Variants in RERE observed in about 807,000 individuals in gnomAD.
RERE encodes arginine-glutamic acid dipeptide repeats, also known as arginine-glutamic acid dipeptide repeats protein.
A neutral mutation model predicts 146.1 loss-of-function variants in RERE; 40 were observed. The ratio of observed to expected loss-of-function variants is 0.27; its 90% CI spans 0.21 to 0.36. RERE has a LOEUF of 0.36. Among genes scored for constraint, RERE ranks in the 10% least tolerant of loss-of-function variants. The pLI is 1.00. For synonymous variants in RERE, 1,003 were observed against 866.0 expected (o/e 1.16, Z -2.78); for missense variants, 1,933 against 2,138.7 (o/e 0.90, Z 1.90).
At chr1:8,706,107 C>T (rs1404855403) in intron 1 of RERE, among the ~76,000 whole-genome samples, 15 of 110,452 alleles carry the variant, frequency 1.4e-4, no homozygotes, top group East Asian at 5.2e-4. Context: ...AGCAAGACTC[C>T]GTCTCCAAAA....
intron 11 of RERE, among the ~76,000 whole-genome samples, chr1:8,451,382 A>C (rs1644388702): frequency 6.6e-6 from 1 of 152,160 alleles, no homozygotes; most frequent in Non-Finnish European, 1.5e-5. Context: ...CAGTGAGCTG[A>C]GATTGTGCCA....
intron 12 of RERE, among the ~76,000 whole-genome samples, chr1:8,418,147 C>A (rs922198884): frequency 2.0e-5 from 3 of 152,152 alleles, no homozygotes; most frequent in East Asian, 1.9e-4. Flanking sequence ...TTTATAGATA[C>A]CCTACCCATT....
rs533595513 is a variant in RERE at position 8,371,222 on chromosome 1, T to C, written c.1285-5248A>G. On this transcript the variant is annotated intron_variant, in intron 12 of 22. Coordinates refer to ENST00000400908, the MANE Select transcript of RERE (RefSeq NM_001042681.2). ...AGCAGATTCTCTCTCCTTTCCTTTT[T>C]CTTTTGGCGGTGGGGGGGCTAAATT... Among the ~76,000 whole-genome samples the C allele has an allele frequency of 7.8e-4, 119 of 152,294 alleles. 1 individual carries two copies. The highest frequency in any genetic ancestry group is 2.7e-3 in the African/African-American group (113 of 41,560).
At position 8,708,905 on chromosome 1, in the gene RERE, G is replaced by GTTTTTTT. The variant is rs35403792; in HGVS notation, c.-144-52471_-144-52465dup. ...GTCACTAGACAACAAAAACTCTGGA[G>GTTTTTTT]TTTTTTTTTTTTTTTTTTTTTTTTT... On this transcript the variant is annotated intron_variant, in intron 1 of 22. Transcript: ENST00000400908. Among the ~76,000 whole-genome samples the GTTTTTTT allele has an allele frequency of 5.4e-4, 39 of 72,326 alleles. 3 individuals carry two copies. Among genetic ancestry groups the GTTTTTTT allele is most frequent in the African/African-American group, 1.7e-3 (28 of 16,598 alleles). 47.4% of individuals were successfully genotyped at this position (72,326 alleles called of 152,430 possible). A position where few individuals can be genotyped will look rare whatever the true frequency, so the allele number is the denominator to read the frequency against.
chr1:8,815,920 G>A (rs1641903708), intron 1 of RERE, among the ~76,000 whole-genome samples: 1 of 151,978 alleles, frequency 6.6e-6, no homozygotes, highest in African/African-American at 2.4e-5. Context: ...ACAACAGGGA[G>A]AGCTGGAAGC....
chr1:8,717,876 CAT>C (rs1290196563), intron 1 of RERE, among the ~76,000 whole-genome samples: 1 of 152,174 alleles, frequency 6.6e-6, no homozygotes, highest in Non-Finnish European at 1.5e-5. Flanking sequence ...GGAATGCTGA[CAT>C]GTGCACTCCA....
chr1:8,578,351 G>T (rs1410824902), intron 4 of RERE, among the ~76,000 whole-genome samples: 1 of 152,032 alleles, frequency 6.6e-6, no homozygotes, highest in African/African-American at 2.4e-5. Flanking sequence ...GCACACTCTG[G>T]TATTATAAAT....
chr1:8,770,718 T>C (rs992872989), intron 1 of RERE, among the ~76,000 whole-genome samples: 1 of 152,244 alleles, frequency 6.6e-6, no homozygotes, highest in African/African-American at 2.4e-5. Context: ...AGAGGGTAAC[T>C]TGGCAATTTC....
At chr1:8,748,583 G>T (rs1640470479) in intron 1 of RERE, among the ~76,000 whole-genome samples, 1 of 152,208 alleles carries the variant, frequency 6.6e-6, no homozygotes, top group African/African-American at 2.4e-5. Context: ...AGAGCCAAAA[G>T]TGTCAAGAGC....
chr1:8,463,347 C>T (rs545512738), intron 11 of RERE, among the ~76,000 whole-genome samples: 10 of 152,270 alleles, frequency 6.6e-5, no homozygotes, highest in South Asian at 6.2e-4. Context: ...TGACCCCAAA[C>T]GGATACGGAT....
chr1:8,497,856 A>T (rs764594015), intron 8 of RERE, among the ~76,000 whole-genome samples: 10 of 152,258 alleles, frequency 6.6e-5, no homozygotes, highest in Non-Finnish European at 1.0e-4. Context: ...TCTTTAGATG[A>T]TAACAGCTAT....
intron 1 of RERE, chr1:8,750,526 G>A: frequency 2.8e-6 from 3 of 1,062,668 alleles, no homozygotes; most frequent in Non-Finnish European, 2.9e-6. Flanking sequence ...TCAAGCTCCT[G>A]AGAAAGAAGT....
chr1:8,396,784 C>G (rs573284408), intron 12 of RERE, among the ~76,000 whole-genome samples: 9 of 152,278 alleles, frequency 5.9e-5, no homozygotes, highest in African/African-American at 2.2e-4. Context: ...TCATCATCCC[C>G]CAAAGGAGAC....
rs58647657 is a variant in RERE, at chr1:8,507,737, CTTTT to C, written c.879+886_879+889del. 2.4e-3 allele frequency among the ~76,000 whole-genome samples: 207 copies of C among 85,950 alleles called. 4 individuals carry two copies. The highest frequency in any genetic ancestry group is 9.6e-3 in the African/African-American group (193 of 20,034). 56.4% of individuals were successfully genotyped at this position (85,950 alleles called of 152,430 possible). A position where few individuals can be genotyped will look rare whatever the true frequency, so the allele number is the denominator to read the frequency against. On this transcript the variant is annotated intron_variant, in intron 8 of 22. Coordinates refer to ENST00000400908, the MANE Select transcript of RERE (RefSeq NM_001042681.2). The stretch of plus-strand genomic sequence containing the variant: ...AAAAGAGGTTTTAAACATCTTTTAT[CTTTT>C]TTTTTTTTTTTTTTTGAGACAGAGT...
chr1:8,542,357 A>G (rs1390498214), intron 6 of RERE, among the ~76,000 whole-genome samples: 4 of 152,162 alleles, frequency 2.6e-5, no homozygotes, highest in African/African-American at 4.8e-5. Context: ...ATCTGTTGTG[A>G]TAAGAACTCC....
At chr1:8,533,888 A>G (rs1225849392) in intron 7 of RERE, among the ~76,000 whole-genome samples, 1 of 152,278 alleles carries the variant, frequency 6.6e-6, no homozygotes, top group Non-Finnish European at 1.5e-5. Flanking sequence ...TCAAATGATC[A>G]AATGAAAAAC....
intron 1 of RERE, among the ~76,000 whole-genome samples, chr1:8,727,378 G>A (rs1034271851): frequency 6.6e-6 from 1 of 152,134 alleles, no homozygotes; most frequent in South Asian, 2.1e-4. Flanking sequence ...CCGACCTCAG[G>A]TGATCCGCCC....
chr1:8,526,397 T>C (rs1645571692), intron 7 of RERE, among the ~76,000 whole-genome samples: 2 of 150,818 alleles, frequency 1.3e-5, no homozygotes, highest in South Asian at 2.1e-4. Flanking sequence ...GATCAACTAA[T>C]AGAAATACTG....
chr1:8,735,093 ACTT>A (rs894484509), intron 1 of RERE, among the ~76,000 whole-genome samples: 65 of 152,318 alleles, frequency 4.3e-4, no homozygotes, highest in African/African-American at 1.5e-3. Flanking sequence ...TCTAACTTAA[ACTT>A]CTTAATAACT....
Sources: allele counts gnomAD v4.1 joint callset (sites outside exome capture counted in the v4.1 genomes callset), GRCh38; gene constraint gnomAD v4.1.1; transcripts MANE v1.5; gene names NCBI Gene and HGNC (gene_info 2026-07-23, HGNC 2026-07-21).